Variants in TMEM132C observed in about 807,000 individuals in gnomAD.
TMEM132C encodes the protein transmembrane protein 132C.
Under a neutral mutation model 61.4 loss-of-function variants are expected in TMEM132C, and 29 were observed. The ratio of observed to expected loss-of-function variants is 0.47; its 90% CI spans 0.35 to 0.64. The LOEUF is 0.64. Ranked by LOEUF, TMEM132C falls within the 30% of genes least tolerant of loss-of-function variation. TMEM132C has a pLI of 0.00. For synonymous variants in TMEM132C, 656 were observed against 633.1 expected (o/e 1.04, Z -0.54); for missense variants, 1,408 against 1,476.9 (o/e 0.95, Z 0.76).
chr12:128,705,780 A>G lies in TMEM132C; in HGVS notation c.2812A>G (p.Ile938Val), dbSNP rs1954834545. The change falls in exon 9 of 9, where the codon ATC becomes GTC. Residue 938 changes from isoleucine (I) to valine (V), a missense_variant. Coordinates refer to ENST00000435159, the MANE Select transcript of TMEM132C (RefSeq NM_001136103.3). ...YALLGVFCLA[I>V]LVFLINCATF... ...CCTCCTGGGGGTGTTCTGCCTGGCC[A>G]TCCTCGTCTTCCTGATCAACTGCGC... The G allele has an allele frequency of 4.5e-6, 7 of 1,551,450 alleles. No homozygotes were observed. The highest frequency in any genetic ancestry group is 6.1e-6 in the Non-Finnish European group (7 of 1,147,036).
intron 2 of TMEM132C, among the ~76,000 whole-genome samples, chr12:128,494,551 C>T (rs1174472088): frequency 1.3e-5 from 2 of 152,094 alleles, no homozygotes; most frequent in Non-Finnish European, 2.9e-5. Context: ...TTCAGGGATT[C>T]AACTTCTTCT....
At chr12:128,652,310 G>T (rs1460370729) in intron 4 of TMEM132C, among the ~76,000 whole-genome samples, 1 of 152,198 alleles carries the variant, frequency 6.6e-6, no homozygotes, top group Non-Finnish European at 1.5e-5. Flanking sequence ...GCACCTGCAA[G>T]GAAGCTTTCC....
At chr12:128,550,803 C>T (rs992868606) in intron 3 of TMEM132C, among the ~76,000 whole-genome samples, 1 of 152,208 alleles carries the variant, frequency 6.6e-6, no homozygotes, top group Middle Eastern at 3.2e-3. Context: ...AACCTGCTTC[C>T]GTCACTGCAC....
At chr12:128,468,380 C>T (rs751876831) in intron 2 of TMEM132C, among the ~76,000 whole-genome samples, 7 of 152,136 alleles carry the variant, frequency 4.6e-5, no homozygotes, top group African/African-American at 1.2e-4. Flanking sequence ...TGCAATGGCA[C>T]GATCTCGGCT....
chr12:128,636,838 AC>A (rs1398347693), intron 4 of TMEM132C, among the ~76,000 whole-genome samples: 1 of 151,982 alleles, frequency 6.6e-6, no homozygotes. Context: ...TTCAGAGACC[AC>A]CTATGAATGG....
At chr12:128,296,360 C>T (rs1871415615) in intron 1 of TMEM132C, among the ~76,000 whole-genome samples, 1 of 152,178 alleles carries the variant, frequency 6.6e-6, no homozygotes, top group African/African-American at 2.4e-5. Context: ...TTATTGCTCC[C>T]CTTAATGATC....
intron 3 of TMEM132C, among the ~76,000 whole-genome samples, chr12:128,600,752 A>G (rs190217587): frequency 1.6e-4 from 25 of 152,314 alleles, no homozygotes; most frequent in African/African-American, 4.8e-4. Context: ...ATGGACCACA[A>G]TGATGCGCTT....
intron 1 of TMEM132C, among the ~76,000 whole-genome samples, chr12:128,339,068 G>C (rs1872874398): frequency 6.6e-6 from 1 of 152,026 alleles, no homozygotes; most frequent in Admixed American, 6.6e-5. Flanking sequence ...ATTTAGAAAG[G>C]GTTTTCTAGC....
chr12:128,674,668 C>G (rs1330485071), intron 5 of TMEM132C, among the ~76,000 whole-genome samples: 3 of 152,050 alleles, frequency 2.0e-5, no homozygotes, highest in African/African-American at 7.2e-5. Flanking sequence ...GTGGGGTGCC[C>G]TTTATTTATT....
chr12:128,392,064 T>TCTCTG (rs1555222005), intron 1 of TMEM132C, among the ~76,000 whole-genome samples: 2 of 130,534 alleles, frequency 1.5e-5, no homozygotes, highest in African/African-American at 6.5e-5. Context: ...CTCTCTCTCT[T>TCTCTG]TCTCTCTCTC....
chr12:128,448,475 C>G (rs567798003), intron 2 of TMEM132C, among the ~76,000 whole-genome samples: 1 of 152,266 alleles, frequency 6.6e-6, no homozygotes, highest in Non-Finnish European at 1.5e-5. Context: ...TCAGGGCCAT[C>G]TGTGTGTCCT....
In TMEM132C at chr12:128,289,402, G is replaced by A. The variant is rs539685190; in HGVS notation, c.85+21915G>A. 2.0e-5 allele frequency among the ~76,000 whole-genome samples: 3 copies of A among 152,334 alleles called. No individual in the cohort carries two copies. In the South Asian group the frequency reaches 6.2e-4, roughly 32 times the overall value. On this transcript the variant is annotated intron_variant, in intron 1 of 8. Coordinates refer to ENST00000435159, the MANE Select transcript of TMEM132C (RefSeq NM_001136103.3). ...GGAATTTAAAAATGTCCCTAACTCC[G>A]TGGGGCACAGTCCTGTTAGTACATC...
At chr12:128,401,740 TGTGAATGTCCA>T (rs1875164865) in intron 1 of TMEM132C, among the ~76,000 whole-genome samples, 1 of 152,170 alleles carries the variant, frequency 6.6e-6, no homozygotes. Context: ...TCCTCACCTC[TGTGAATGTCCA>T]GTGGGGCAGC....
chr12:128,299,431 C>T (rs1017901929), intron 1 of TMEM132C, among the ~76,000 whole-genome samples: 1 of 152,058 alleles, frequency 6.6e-6, no homozygotes, highest in Non-Finnish European at 1.5e-5. Context: ...AAGCAATGTA[C>T]ACGGAATTCA....
intron 1 of TMEM132C, among the ~76,000 whole-genome samples, chr12:128,351,386 ACATATATATTCAAATATAT>A (rs1159061039): frequency 7.9e-5 from 12 of 152,192 alleles, no homozygotes; most frequent in East Asian, 1.9e-4. Flanking sequence ...CAATAGGAAG[ACATATATATTCAAATATAT>A]CATATATATT....
intron 1 of TMEM132C, among the ~76,000 whole-genome samples, chr12:128,402,004 GGGACTATCCTGGATCATCCA>G (rs1251513363): frequency 6.6e-6 from 1 of 152,200 alleles, no homozygotes; most frequent in Non-Finnish European, 1.5e-5. Flanking sequence ...TTGAGATGGG[GGGACTATCCTGGATCATCCA>G]GGTGGCCCTG....
chr12:128,517,630 G>A (rs970432992), intron 2 of TMEM132C, among the ~76,000 whole-genome samples: 1 of 152,164 alleles, frequency 6.6e-6, no homozygotes, highest in Admixed American at 6.5e-5. Context: ...GTAGGTCTAT[G>A]GGTGTTCACT....
rs755425728 is a variant in TMEM132C, at chr12:128,415,191, G to T, written c.545G>T (p.Arg182Leu). The T allele has an allele frequency of 6.2e-7, 1 of 1,610,738 alleles. No individual in the cohort carries two copies. The highest frequency in any genetic ancestry group is 8.5e-7 in the Non-Finnish European group (1 of 1,178,536). ...VFAFRETREV[R>L]GSCRLKGDLG... The stretch of plus-strand genomic sequence containing the variant: ...GCTTTCCGAGAAACCAGAGAGGTGC[G>T]GGGCAGCTGCCGGCTGAAGGGGGAC... The change falls in exon 2 of 9, where the codon CGG becomes CTG. Residue 182 changes from arginine (R) to leucine (L), a missense_variant. Arg to Leu is a moderately radical substitution (Grantham distance 102). Coordinates refer to ENST00000435159, the MANE Select transcript of TMEM132C (RefSeq NM_001136103.3). The surrounding 1 kb of genome is among the most constrained non-coding windows in gnomAD (Gnocchi z 5.8).
chr12:128,281,870 G>A (rs1255970832), intron 1 of TMEM132C, among the ~76,000 whole-genome samples: 1 of 152,190 alleles, frequency 6.6e-6, no homozygotes, highest in East Asian at 1.9e-4. Flanking sequence ...TTCAGGTGAA[G>A]ATAATGTCTA....
Sources: allele counts gnomAD v4.1 joint callset (sites outside exome capture counted in the v4.1 genomes callset), GRCh38; gene constraint gnomAD v4.1.1; non-coding constraint Gnocchi (gnomAD v3.1); transcripts MANE v1.5; gene names NCBI Gene and HGNC (gene_info 2026-07-23, HGNC 2026-07-21).